THSD7A: variants seen among roughly 807,000 people sequenced by gnomAD.
THSD7A encodes the protein thrombospondin type 1 domain containing 7A, also known as thrombospondin type-1 domain-containing protein 7A.
Under a neutral mutation model 231.3 loss-of-function variants are expected in THSD7A, and 96 were observed. That is an observed-to-expected ratio of 0.41 (90% confidence interval 0.35 to 0.49). The LOEUF is 0.49. Among genes scored for constraint, THSD7A ranks in the 20% least tolerant of loss-of-function variants. The probability of loss-of-function intolerance (pLI) is 0.05; values close to 1 mark genes in which losing one functional copy is unlikely to be tolerated. For synonymous variants in THSD7A, 940 were observed against 743.3 expected (o/e 1.26, Z -4.30); for missense variants, 2,290 against 2,070.2 (o/e 1.11, Z -2.06).
At chr7:11,750,092 T>C (rs1782448281) in intron 1 of THSD7A, among the ~76,000 whole-genome samples, 2 of 151,744 alleles carry the variant, frequency 1.3e-5, no homozygotes, top group Admixed American at 6.6e-5. Flanking sequence ...TCCCAGTTCC[T>C]GGTAAAATTT....
intron 1 of THSD7A, among the ~76,000 whole-genome samples, chr7:11,708,946 C>T (rs577380890): frequency 4.6e-5 from 7 of 150,560 alleles, no homozygotes; most frequent in African/African-American, 9.7e-5. Flanking sequence ...TAGCACTATA[C>T]GGTCAATGCC....
chr7:11,642,797 A>AT (rs1278655777), intron 1 of THSD7A, among the ~76,000 whole-genome samples: 1 of 152,146 alleles, frequency 6.6e-6, no homozygotes, highest in African/African-American at 2.4e-5. Flanking sequence ...TAATGAATTT[A>AT]TTTTTATTCC....
chr7:11,610,010 C>A (rs1780868292), intron 2 of THSD7A, among the ~76,000 whole-genome samples: 1 of 151,862 alleles, frequency 6.6e-6, no homozygotes. Context: ...AATTATGTGA[C>A]ATAAAACAAC....
At chr7:11,537,924 A>G (rs1321715279) in intron 6 of THSD7A, among the ~76,000 whole-genome samples, 1 of 152,208 alleles carries the variant, frequency 6.6e-6, no homozygotes, top group Non-Finnish European at 1.5e-5. Context: ...CCGGTTTGAC[A>G]TGGTGCTGAG....
intron 1 of THSD7A, among the ~76,000 whole-genome samples, chr7:11,677,915 C>T (rs1169586189): frequency 1.3e-4 from 20 of 152,118 alleles, no homozygotes; most frequent in Admixed American, 1.3e-3. Flanking sequence ...CCACATAGCA[C>T]TTATTCTAAA....
chr7:11,763,280 C>G (rs1417678462), intron 1 of THSD7A, among the ~76,000 whole-genome samples: 3 of 152,176 alleles, frequency 2.0e-5, no homozygotes, highest in Non-Finnish European at 2.9e-5. Context: ...TCTGTCATCT[C>G]TGTCCTCATC....
chr7:11,467,348 T>C (rs1436503553), intron 9 of THSD7A, among the ~76,000 whole-genome samples: 1 of 152,186 alleles, frequency 6.6e-6, no homozygotes, highest in Admixed American at 6.5e-5. Flanking sequence ...TATTGAACCA[T>C]GTAAGTCTTA....
At position 11,792,466 on chromosome 7, in the gene THSD7A, A is replaced by G. The variant is rs115084445; in HGVS notation, c.190+39291T>C. ...GTTTATTACCAACTTTCCTCCCCCA[A>G]TATATCTTGCACCAAGCCTTATAGT... On this transcript the variant is annotated intron_variant, in intron 1 of 27. Coordinates refer to ENST00000423059, the MANE Select transcript of THSD7A (RefSeq NM_015204.3). 5.8e-3 allele frequency among the ~76,000 whole-genome samples: 881 copies of G among 151,964 alleles called. 6 individuals are homozygous for G. Among genetic ancestry groups the G allele is most frequent in the African/African-American group, 0.02 (824 of 41,474 alleles).
At chr7:11,820,427 G>T in intron 1 of THSD7A, 1 of 1,323,714 alleles carries the variant, frequency 7.6e-7, no homozygotes. Context: ...GCCCACTTGG[G>T]GCTGGTGCTT....
At chr7:11,541,878 G>A (rs1453590791) in intron 5 of THSD7A, among the ~76,000 whole-genome samples, 3 of 152,158 alleles carry the variant, frequency 2.0e-5, no homozygotes, top group Non-Finnish European at 2.9e-5. Flanking sequence ...CTACTGCAAA[G>A]GTAAGGCTAG....
chr7:11,388,759 T>C (rs1782864791), intron 23 of THSD7A, among the ~76,000 whole-genome samples: 1 of 152,160 alleles, frequency 6.6e-6, no homozygotes, highest in Admixed American at 6.6e-5. Flanking sequence ...GATGTTAGAG[T>C]GTAAATTTTA....
chr7:11,576,619 A>G (rs1351271015), intron 4 of THSD7A, among the ~76,000 whole-genome samples: 2 of 152,222 alleles, frequency 1.3e-5, no homozygotes, highest in Non-Finnish European at 2.9e-5. Context: ...GTTAAACTGT[A>G]TGAAATTGCC....
chr7:11,821,086 C>A (rs557135622), intron 1 of THSD7A: 1 of 1,004,166 alleles, frequency 1.0e-6, no homozygotes, highest in Non-Finnish European at 1.6e-6. Flanking sequence ...CGGGAAATGT[C>A]TATTGTCCTG....
chr7:11,726,530 C>A (rs567527104), intron 1 of THSD7A, among the ~76,000 whole-genome samples: 2 of 149,422 alleles, frequency 1.3e-5, no homozygotes, highest in African/African-American at 4.9e-5. Context: ...TGCATGCAGA[C>A]AGATGCCCAG....
intron 1 of THSD7A, among the ~76,000 whole-genome samples, chr7:11,726,451 T>C (rs1263238948): frequency 6.6e-6 from 1 of 152,036 alleles, no homozygotes; most frequent in African/African-American, 2.4e-5. Flanking sequence ...CATCAAAAAA[T>C]TGCACAATGA....
chr7:11,396,134 C>T (rs1783177781), intron 23 of THSD7A, among the ~76,000 whole-genome samples: 1 of 152,148 alleles, frequency 6.6e-6, no homozygotes, highest in African/African-American at 2.4e-5. Context: ...ATCTCTGGCA[C>T]ACAGCTAAAA....
intron 1 of THSD7A, among the ~76,000 whole-genome samples, chr7:11,800,910 C>G (rs1316136447): frequency 1.3e-5 from 2 of 152,116 alleles, no homozygotes; most frequent in Non-Finnish European, 2.9e-5. Context: ...CACACACACA[C>G]AAAGAACACA....
At chr7:11,379,536 A>G in intron 25 of THSD7A, 94 bp downstream of exon 25, 2 of 1,230,380 alleles carry the variant, frequency 1.6e-6, no homozygotes, top group South Asian at 2.6e-5. Context: ...ATGCCTCAAG[A>G]CATGCTTTCT....
At chr7:11,416,513 G>A (rs1352306340) in intron 17 of THSD7A, among the ~76,000 whole-genome samples, 3 of 152,126 alleles carry the variant, frequency 2.0e-5, no homozygotes, top group Admixed American at 2.0e-4. Context: ...TTATTACAGT[G>A]TAACTTGCAT....
Sources: allele counts gnomAD v4.1 joint callset (sites outside exome capture counted in the v4.1 genomes callset), GRCh38; gene constraint gnomAD v4.1.1; transcripts MANE v1.5; gene names NCBI Gene and HGNC (gene_info 2026-07-23, HGNC 2026-07-21).